Variants in CHD6 observed in about 807,000 individuals in gnomAD.
CHD6 encodes chromodomain helicase DNA binding protein 6.
A neutral mutation model predicts 276.9 loss-of-function variants in CHD6; 50 were observed. That is an observed-to-expected ratio of 0.18 (90% CI 0.14 to 0.23). The LOEUF (loss-of-function observed/expected upper bound fraction) is 0.23. Ranked by LOEUF, CHD6 falls within the 10% of genes least tolerant of loss-of-function variation. The pLI, the probability that CHD6 is intolerant of heterozygous loss-of-function variation, is 1.00. For missense variants in CHD6, 2,564 were observed against 3,365.8 expected (o/e 0.76, Z 5.89); for synonymous variants, 1,173 against 1,229.3 (o/e 0.95, Z 0.96).
At chr20:41,590,330 A>G (rs1183447222) in intron 1 of CHD6, among the ~76,000 whole-genome samples, 1 of 152,216 alleles carries the variant, frequency 6.6e-6, no homozygotes, top group Non-Finnish European at 1.5e-5. Context: ...TAAAACACCA[A>G]AAGCAATGGC....
At chr20:41,534,531 A>T (rs1483841143) in intron 2 of CHD6, among the ~76,000 whole-genome samples, 1 of 146,558 alleles carries the variant, frequency 6.8e-6, no homozygotes, top group Non-Finnish European at 1.5e-5. Flanking sequence ...CCCAAACATA[A>T]CACTGAGAAT....
At chr20:41,433,140 T>C (rs2047597842) in intron 27 of CHD6, among the ~76,000 whole-genome samples, 1 of 151,010 alleles carries the variant, frequency 6.6e-6, no homozygotes, top group South Asian at 2.1e-4. Context: ...CAAGATCTAA[T>C]TTTCATTTTA....
intron 8 of CHD6, among the ~76,000 whole-genome samples, chr20:41,495,175 C>T (rs1190092087): frequency 6.6e-6 from 1 of 152,036 alleles, no homozygotes; most frequent in Admixed American, 6.6e-5. Context: ...CTTTATTATT[C>T]ACAATAGTCA....
chr20:41,544,404 G>A (rs1009305080), intron 2 of CHD6, among the ~76,000 whole-genome samples: 1 of 152,186 alleles, frequency 6.6e-6, no homozygotes, highest in African/African-American at 2.4e-5. Context: ...CAAGACAGGA[G>A]ACGAGGCAAT....
At chr20:41,446,032 G>C (rs2048057478) in intron 24 of CHD6, among the ~76,000 whole-genome samples, 2 of 152,228 alleles carry the variant, frequency 1.3e-5, no homozygotes, top group Admixed American at 6.5e-5. Context: ...CGCAATGTCA[G>C]TTGGTCCAGG....
intron 1 of CHD6, among the ~76,000 whole-genome samples, chr20:41,598,276 C>T (rs1042550767): frequency 6.6e-5 from 10 of 152,114 alleles, no homozygotes; most frequent in South Asian, 4.1e-4. Flanking sequence ...TCATCCCCTC[C>T]GCCCTCTCCT....
intron 1 of CHD6, among the ~76,000 whole-genome samples, chr20:41,604,265 T>C (rs918023230): frequency 2.0e-5 from 3 of 151,992 alleles, no homozygotes; most frequent in African/African-American, 4.8e-5. Context: ...GATGGAAAAA[T>C]AGATTCTAGA....
chr20:41,458,265 T>A (rs754375520), intron 17 of CHD6, among the ~76,000 whole-genome samples: 1 of 152,252 alleles, frequency 6.6e-6, no homozygotes, highest in Non-Finnish European at 1.5e-5. Context: ...AGCTAAATAT[T>A]TGATTCTCTT....
intron 27 of CHD6, among the ~76,000 whole-genome samples, chr20:41,430,643 A>AAAGTTTCCTCAAACCCCT (rs1170414677): frequency 6.6e-6 from 1 of 152,202 alleles, no homozygotes; most frequent in Non-Finnish European, 1.5e-5. Flanking sequence ...GGGAGGGCCT[A>AAAGTTTCCTCAAACCCCT]AAGTTTCCTC....
chr20:41,410,617 G>A lies in CHD6; in HGVS notation c.7251+1527C>T, dbSNP rs374874028. The stretch of plus-strand genomic sequence containing the variant: ...CTTCTTGCCTTACTGCAGGAAAAGG[G>A]CCTCCGAGGCAGGGAGTGTGTTTAT... On this transcript the variant is annotated intron_variant, in intron 36 of 36. Transcript: ENST00000373233. Among the ~76,000 whole-genome samples the A allele has an allele frequency of 5.3e-4, 81 of 152,286 alleles. No individual in the cohort carries two copies. The East Asian group carries it at 0.013, about 24-fold the overall frequency.
At chr20:41,454,957 C>A (rs1468905847) in intron 19 of CHD6, among the ~76,000 whole-genome samples, 1 of 152,082 alleles carries the variant, frequency 6.6e-6, no homozygotes, top group Non-Finnish European at 1.5e-5. Flanking sequence ...CTGAAGGGAT[C>A]ATTTTTTTTT....
intron 1 of CHD6, among the ~76,000 whole-genome samples, chr20:41,611,140 G>C (rs2146306819): frequency 6.6e-6 from 1 of 152,262 alleles, no homozygotes; most frequent in African/African-American, 2.4e-5. Flanking sequence ...AAAATAAAGA[G>C]GCAAATATAA....
At chr20:41,613,773 T>C (rs764778149) in intron 1 of CHD6, among the ~76,000 whole-genome samples, 4 of 152,164 alleles carry the variant, frequency 2.6e-5, no homozygotes, top group Non-Finnish European at 4.4e-5. Context: ...GAGGCACAGA[T>C]CCGTTTGAGA....
At chr20:41,606,674 CAAA>C (rs10631069) in intron 1 of CHD6, among the ~76,000 whole-genome samples, 1 of 132,742 alleles carries the variant, frequency 7.5e-6, no homozygotes, top group Admixed American at 7.6e-5. Flanking sequence ...GACTCCATCT[CAAA>C]AAAAAAAAAA....
At chr20:41,430,769 T>G (rs1402526139) in intron 27 of CHD6, among the ~76,000 whole-genome samples, 1 of 152,214 alleles carries the variant, frequency 6.6e-6, no homozygotes, top group East Asian at 1.9e-4. Context: ...TCTTTGGTAC[T>G]TGAGTTGTTT....
chr20:41,457,272 TGCC>T lies in CHD6; in HGVS notation c.2818_2820del (p.Gly940del). 6.2e-7 allele frequency: 1 copy of T among 1,613,626 alleles called. No individual in the cohort carries two copies. The highest frequency in any genetic ancestry group is 8.5e-7 in the Non-Finnish European group (1 of 1,179,550). ...AGGCCCATCACACTCACCCCATTGGTGCCGCCCTTTCGGTTGATGTCCTGAAGA... is the reference window on the plus strand; with the variant it reads ...AGGCCCATCACACTCACCCCATTGGTGCCCTTTCGGTTGATGTCCTGAAGA... On this transcript the variant is annotated inframe_deletion, in exon 18 of 37. Transcript: ENST00000373233.
chr20:41,557,511 T>C (rs985845064), intron 1 of CHD6, among the ~76,000 whole-genome samples: 2 of 152,096 alleles, frequency 1.3e-5, no homozygotes, highest in African/African-American at 2.4e-5. Flanking sequence ...ATAGTAACTT[T>C]TAAAAAATAA....
chr20:41,470,409 A>G (rs2043027396), intron 17 of CHD6, among the ~76,000 whole-genome samples: 1 of 151,376 alleles, frequency 6.6e-6, no homozygotes, highest in Non-Finnish European at 1.5e-5. Context: ...TCTCTCACAC[A>G]GTAACCTTTT....
chr20:41,444,980 G>A lies in CHD6; in HGVS notation c.3877+685C>T, dbSNP rs2048019475. ...TTGATTCACCTGGCAGGGAAAGTGT[G>A]TATCAGGCATACTATGGGTGACTAT... On this transcript the variant is annotated intron_variant, in intron 25 of 36. Transcript: ENST00000373233. Among the ~76,000 whole-genome samples, 3 of 152,308 alleles carry A rather than the reference G, an allele frequency of 2.0e-5. No individual in the cohort carries two copies. The South Asian group carries it at 6.2e-4, about 32-fold the overall frequency.
Sources: allele counts gnomAD v4.1 joint callset (sites outside exome capture counted in the v4.1 genomes callset), GRCh38; gene constraint gnomAD v4.1.1; transcripts MANE v1.5; gene names NCBI Gene and HGNC (gene_info 2026-07-23, HGNC 2026-07-21).